The following NCAM2 variants were observed in gnomAD, a reference collection of about 807,000 sequenced individuals.
The protein encoded by NCAM2 is neural cell adhesion molecule 2.
In NCAM2, 30 loss-of-function variants were observed where a neutral mutation model predicts 98.1. The observed-to-expected ratio is 0.31, with a 90% confidence interval of 0.23 to 0.41. NCAM2 has a LOEUF of 0.41. Among genes scored for constraint, NCAM2 ranks in the 10% least tolerant of loss-of-function variants. The pLI is 1.00. For missense variants in NCAM2, 867 were observed against 1,005.8 expected (o/e 0.86, Z 1.87); for synonymous variants, 368 against 342.4 (o/e 1.07, Z -0.83).
At chr21:21,213,015 T>C (rs948657126) in intron 1 of NCAM2, among the ~76,000 whole-genome samples, 11 of 152,030 alleles carry the variant, frequency 7.2e-5, no homozygotes, top group East Asian at 1.9e-4. Flanking sequence ...GCTGGGATTA[T>C]AGGCATGAGC....
chr21:21,461,420 A>T (rs1355545867), intron 12 of NCAM2, among the ~76,000 whole-genome samples: 1 of 151,882 alleles, frequency 6.6e-6, no homozygotes, highest in Non-Finnish European at 1.5e-5. Flanking sequence ...TTTGAGTATA[A>T]CTTATACTCA....
intron 14 of NCAM2, among the ~76,000 whole-genome samples, chr21:21,474,850 T>C (rs1048308083): frequency 6.6e-6 from 1 of 152,008 alleles, no homozygotes; most frequent in African/African-American, 2.4e-5. Flanking sequence ...TCATACTGAA[T>C]ATGCTATACA....
At chr21:21,402,949 A>G (rs754197810) in intron 9 of NCAM2, among the ~76,000 whole-genome samples, 39 of 152,154 alleles carry the variant, frequency 2.6e-4, no homozygotes, top group Admixed American at 1.3e-4. Context: ...TTTTCTCTGC[A>G]TCCTTGACAA....
intron 8 of NCAM2, among the ~76,000 whole-genome samples, chr21:21,358,627 T>A (rs2075560982): frequency 6.6e-6 from 1 of 152,078 alleles, no homozygotes; most frequent in African/African-American, 2.4e-5. Flanking sequence ...GTCTTCCTAA[T>A]CATGATAGTT....
At chr21:21,203,815 T>A (rs185282215) in intron 1 of NCAM2, among the ~76,000 whole-genome samples, 255 of 152,266 alleles carry the variant, frequency 1.7e-3, no homozygotes, top group South Asian at 3.7e-3. Flanking sequence ...TTATGTTTTA[T>A]CATTGTGGTC....
At chr21:21,346,208 C>CAAAAAA (rs57663409) in intron 8 of NCAM2, among the ~76,000 whole-genome samples, 1 of 112,530 alleles carries the variant, frequency 8.9e-6, no homozygotes, top group African/African-American at 3.1e-5. Flanking sequence ...CAACTGAAAC[C>CAAAAAA]AAAAAAAAAA....
chr21:21,183,188 G>A (rs1465505226), intron 1 of NCAM2, among the ~76,000 whole-genome samples: 11 of 152,074 alleles, frequency 7.2e-5, no homozygotes, highest in Admixed American at 4.6e-4. Context: ...TGAGACAGGC[G>A]TTTGTTTATT....
intron 9 of NCAM2, among the ~76,000 whole-genome samples, chr21:21,383,346 C>A (rs2076199748): frequency 1.3e-5 from 2 of 152,108 alleles, no homozygotes; most frequent in African/African-American, 4.8e-5. Flanking sequence ...AGAATTTTGA[C>A]ATACCCTTCT....
intron 1 of NCAM2, among the ~76,000 whole-genome samples, chr21:21,009,211 A>G (rs961151253): frequency 6.6e-6 from 1 of 152,150 alleles, no homozygotes; most frequent in East Asian, 1.9e-4. Flanking sequence ...TTTAAAAAGC[A>G]TATTTACTTT....
At chr21:21,250,946 G>A (rs1385408189) in intron 1 of NCAM2, among the ~76,000 whole-genome samples, 1 of 152,128 alleles carries the variant, frequency 6.6e-6, no homozygotes, top group African/African-American at 2.4e-5. Context: ...GATCATAATT[G>A]CTTTTTGTTT....
intron 1 of NCAM2, among the ~76,000 whole-genome samples, chr21:21,100,496 G>A (rs1050599536): frequency 6.6e-6 from 1 of 151,904 alleles, no homozygotes; most frequent in Non-Finnish European, 1.5e-5. Context: ...GTGTAGAAAC[G>A]GGGAGAAAGG....
intron 12 of NCAM2, among the ~76,000 whole-genome samples, chr21:21,452,592 G>T (rs1981322982): frequency 2.5e-5 from 1 of 39,530 alleles, no homozygotes; most frequent in African/African-American, 6.7e-5. Context: ...ATATTGTATT[G>T]TGCATATAAT....
At chr21:21,029,223 G>T (rs1329462142) in intron 1 of NCAM2, among the ~76,000 whole-genome samples, 1 of 152,042 alleles carries the variant, frequency 6.6e-6, no homozygotes, top group East Asian at 1.9e-4. Flanking sequence ...TTCCTACATT[G>T]TCCCAAATTT....
intron 16 of NCAM2, among the ~76,000 whole-genome samples, chr21:21,522,006 T>C (rs1989042052): frequency 6.7e-6 from 1 of 149,056 alleles, no homozygotes; most frequent in African/African-American, 2.4e-5. Context: ...TGTGTATATA[T>C]CAATATATAA....
intron 1 of NCAM2, among the ~76,000 whole-genome samples, chr21:21,091,381 G>A (rs922808965): frequency 1.5e-4 from 23 of 151,978 alleles, no homozygotes; most frequent in Admixed American, 1.4e-3. Flanking sequence ...ACGTCCAAAT[G>A]TGCCTGTAGC....
At chr21:21,483,092 A>T (rs1324758820) in intron 15 of NCAM2, among the ~76,000 whole-genome samples, 1 of 152,086 alleles carries the variant, frequency 6.6e-6, no homozygotes, top group African/African-American at 2.4e-5. Context: ...GGAAATAAAT[A>T]AACTTACTTT....
chr21:21,042,736 GGTTCTAA>G (rs2064931192), intron 1 of NCAM2, among the ~76,000 whole-genome samples: 1 of 152,104 alleles, frequency 6.6e-6, no homozygotes, highest in Admixed American at 6.5e-5. Context: ...ATGGGCTAGA[GGTTCTAA>G]AATAAGGAAG....
intron 1 of NCAM2, among the ~76,000 whole-genome samples, chr21:21,010,868 A>T (rs1273932784): frequency 6.6e-6 from 1 of 152,128 alleles, no homozygotes; most frequent in Non-Finnish European, 1.5e-5. Context: ...CAGGGAGCTG[A>T]GGTTGAATGA....
Position 21,038,426 on chromosome 21 carries a change from A to G in NCAM2, c.55+39808A>G, listed in dbSNP as rs1001710436. Among the ~76,000 whole-genome samples the G allele has an allele frequency of 1.8e-4, 28 of 152,152 alleles. 1 individual carries two copies. Among genetic ancestry groups the G allele is most frequent in the African/African-American group, 6.3e-4 (26 of 41,442 alleles). On this transcript the variant is annotated intron_variant, in intron 1 of 17. Coordinates refer to ENST00000400546, the MANE Select transcript of NCAM2 (RefSeq NM_004540.5). Reference sequence around the variant, plus strand: ...CCACATAAATCTCTTCTTGAACTGTAATTCCCATAACCCCCATGTGTTGTG... The same window carrying G: ...CCACATAAATCTCTTCTTGAACTGTGATTCCCATAACCCCCATGTGTTGTG...
Sources: gnomAD v4.1 joint callset for allele counts (sites outside exome capture counted in the v4.1 genomes callset) on GRCh38, gnomAD v4.1.1 for gene constraint, MANE v1.5 for transcripts, NCBI Gene and HGNC (gene_info 2026-07-23, HGNC 2026-07-21) for gene names.